The following DNAJA4 variants were observed in gnomAD, a reference collection of about 807,000 sequenced individuals.
DNAJA4 encodes DnaJ heat shock protein family (Hsp40) member A4, also known as dnaJ homolog subfamily A member 4.
In DNAJA4, 32 loss-of-function variants were observed where a neutral mutation model predicts 39.7. That is an observed-to-expected ratio of 0.81 (90% CI 0.61 to 1.08). The LOEUF (loss-of-function observed/expected upper bound fraction) is 1.08. Ranked by LOEUF, DNAJA4 falls within the 50% of genes least tolerant of loss-of-function variation. DNAJA4 has a pLI of 0.00. For synonymous variants in DNAJA4, 184 were observed against 182.4 expected (o/e 1.01, Z -0.07); for missense variants, 439 against 505.1 (o/e 0.87, Z 1.25).
intron 5 of DNAJA4, among the ~76,000 whole-genome samples, chr15:78,278,525 C>T (rs2049543934): frequency 6.6e-6 from 1 of 152,166 alleles, no homozygotes; most frequent in African/African-American, 2.4e-5. Context: ...ATACTGTGGG[C>T]AGTTGTAGTA....
chr15:78,267,557 G>A (rs954725967), intron 1 of DNAJA4, among the ~76,000 whole-genome samples: 5 of 152,054 alleles, frequency 3.3e-5, no homozygotes, highest in African/African-American at 1.2e-4. Context: ...ATGATGTGGG[G>A]TATATTCTTG....
At chr15:78,268,223 G>T (rs183498001) in intron 1 of DNAJA4, among the ~76,000 whole-genome samples, 1 of 152,194 alleles carries the variant, frequency 6.6e-6, no homozygotes, top group South Asian at 2.1e-4. Flanking sequence ...GCAGATAGAC[G>T]CAGAAACTGT....
intron 3 of DNAJA4, 60 bp downstream of exon 3, chr15:78,273,259 C>T: frequency 9.9e-7 from 1 of 1,010,490 alleles, no homozygotes; most frequent in Non-Finnish European, 1.6e-6. Context: ...AGAAACAATG[C>T]TTGTTTTATA....
chr15:78,281,160 T>C lies in DNAJA4; in HGVS notation c.*700T>C, dbSNP rs2049643839. On this transcript the variant is annotated 3_prime_UTR_variant, in exon 7 of 7. Coordinates refer to ENST00000394852, the MANE Select transcript of DNAJA4 (RefSeq NM_001130182.2). ...TTTGAATCATATGCTGATAACTGTT[T>C]GCCTGTGACCCTCACACCTTGTTCT... 1 of 152,674 alleles carries C rather than the reference T, an allele frequency of 6.5e-6. No individual in the cohort carries two copies. Among genetic ancestry groups the C allele is most frequent in the Admixed American group, 6.5e-5 (1 of 15,284 alleles). The allele number at this position is 152,674 out of a possible 1,614,324, so 9.5% of individuals were successfully genotyped here. A position where few individuals can be genotyped will look rare whatever the true frequency, so the allele number is the denominator to read the frequency against.
chr15:78,278,579 A>G (rs1037107887), intron 5 of DNAJA4, among the ~76,000 whole-genome samples: 3 of 152,234 alleles, frequency 2.0e-5, no homozygotes, highest in African/African-American at 7.2e-5. Flanking sequence ...AAGGTGCAGT[A>G]AAAGTTTGGT....
chr15:78,266,032 T>G (rs2049112878), intron 1 of DNAJA4: 2 of 590,344 alleles, frequency 3.4e-6, no homozygotes, highest in Non-Finnish European at 6.0e-6. Context: ...TAAAATGCTT[T>G]CCTGTAAGAC....
chr15:78,267,153 A>T (rs28433476), intron 1 of DNAJA4, among the ~76,000 whole-genome samples: 13 of 147,202 alleles, frequency 8.8e-5, no homozygotes, highest in Non-Finnish European at 1.6e-4. Flanking sequence ...TGTGTGTGTG[A>T]GTGTGTATGT....
intron 1 of DNAJA4, chr15:78,266,178 G>A: frequency 1.3e-6 from 2 of 1,586,650 alleles, no homozygotes; most frequent in Admixed American, 1.7e-5. Context: ...GTCCGCTTCT[G>A]ACAGTCTCCT....
intron 5 of DNAJA4, chr15:78,277,884 C>T (rs1466568548): frequency 2.8e-6 from 1 of 360,836 alleles, no homozygotes; most frequent in Non-Finnish European, 5.4e-6. Context: ...AGGAAACCTG[C>T]CGTTGGAGAG....
At chr15:78,278,089 T>C (rs1233890085) in intron 5 of DNAJA4, 2 of 455,952 alleles carry the variant, frequency 4.4e-6, no homozygotes, top group Non-Finnish European at 8.8e-6. Flanking sequence ...TTATGAGCAT[T>C]GCTGAGGATT....
chr15:78,280,053 A>G lies in DNAJA4; in HGVS notation c.886A>G (p.Ile296Val). ...GACCCTTTCTCTGGCAGGTGAGGTG[A>G]TAAAGCACGGGGACCTGAGATGCGT... ...LVITSKAGEV[I>V]KHGDLRCVRD... The change falls in exon 6 of 7, where the codon ATA becomes GTA. Residue 296 changes from isoleucine (I) to valine (V), a missense_variant. Ile to Val is a conservative substitution (Grantham distance 29). Transcript: ENST00000394852. 6.2e-7 allele frequency: 1 copy of G among 1,614,188 alleles called. No individual in the cohort carries two copies. Among genetic ancestry groups the G allele is most frequent in the Middle Eastern group, 1.6e-4 (1 of 6,062 alleles).
chr15:78,278,357 A>G, intron 5 of DNAJA4: 1 of 448,400 alleles, frequency 2.2e-6, no homozygotes, highest in South Asian at 1.6e-5. Context: ...CGAAGGGGAT[A>G]TGTTCTGAGA....
intron 5 of DNAJA4, among the ~76,000 whole-genome samples, chr15:78,277,284 G>A (rs74843386): frequency 0.022 from 3,374 of 152,136 alleles, 116 homozygotes; most frequent in African/African-American, 0.077. Flanking sequence ...TCAGCCTCCC[G>A]AGTAGCTGGG....
At chr15:78,265,260 A>G (rs1391263623) in intron 1 of DNAJA4, among the ~76,000 whole-genome samples, 1 of 152,204 alleles carries the variant, frequency 6.6e-6, no homozygotes, top group Non-Finnish European at 1.5e-5. Context: ...GAATCGGGAA[A>G]CTGAGGCACA....
intron 2 of DNAJA4, among the ~76,000 whole-genome samples, chr15:78,270,885 C>A (rs2049275812): frequency 6.6e-6 from 1 of 151,914 alleles, no homozygotes; most frequent in South Asian, 2.1e-4. Flanking sequence ...TAGTGATACT[C>A]CCCATCTCAA....
chr15:78,264,267 G>C (rs964186608), upstream of DNAJA4: 1 of 1,293,136 alleles, frequency 7.7e-7, no homozygotes, highest in African/African-American at 1.6e-5. Context: ...CGGGACAGTT[G>C]TCGGAGGGCG....
chr15:78,266,162 A>G (rs2049117001), intron 1 of DNAJA4: 1 of 1,513,746 alleles, frequency 6.6e-7, no homozygotes, highest in Non-Finnish European at 9.1e-7. Flanking sequence ...CCCTACATTC[A>G]TTGTGGTCCG....
At chr15:78,265,363 A>G (rs1283101553) in intron 1 of DNAJA4, 2 of 653,108 alleles carry the variant, frequency 3.1e-6, no homozygotes, top group Non-Finnish European at 5.5e-6. Context: ...CTGAGCTGGT[A>G]CCTTGGACAA....
At chr15:78,264,231 A>C, upstream of DNAJA4, 1 of 1,036,166 alleles carries the variant, frequency 9.7e-7, no homozygotes, top group Non-Finnish European at 1.3e-6. Flanking sequence ...GACCCACGGA[A>C]GGGCAAGGGG....
Sources: gnomAD v4.1 joint callset for allele counts (sites outside exome capture counted in the v4.1 genomes callset) on GRCh38, gnomAD v4.1.1 for gene constraint, MANE v1.5 for transcripts, NCBI Gene and HGNC (gene_info 2026-07-23, HGNC 2026-07-21) for gene names.